GRID1: variants seen among roughly 807,000 people sequenced by gnomAD.
GRID1 encodes the protein glutamate ionotropic receptor delta type subunit 1, also known as glutamate receptor ionotropic, delta-1.
Under a neutral mutation model 98.0 loss-of-function variants are expected in GRID1, and 28 were observed. The observed-to-expected ratio is 0.29, with a 90% CI of 0.21 to 0.39. The LOEUF (loss-of-function observed/expected upper bound fraction) is 0.39, where lower values mean the gene tolerates loss of function less well. GRID1 is among the 10% of genes least tolerant of loss of function. The probability of loss-of-function intolerance (pLI) is 1.00; values close to 1 mark genes in which losing one functional copy is unlikely to be tolerated. For missense variants in GRID1, 1,111 were observed against 1,340.5 expected, an observed-to-expected ratio of 0.83 and a Z score of 2.67; for synonymous variants, 553 against 538.5, an observed-to-expected ratio of 1.03 and a Z score of -0.37.
chr10:85,748,353 G>A (rs576609520), intron 8 of GRID1, among the ~76,000 whole-genome samples: 11 of 152,290 alleles, frequency 7.2e-5, no homozygotes, highest in African/African-American at 2.6e-4. Flanking sequence ...GTCAATTCAT[G>A]TGACTATCCT....
intron 8 of GRID1, among the ~76,000 whole-genome samples, chr10:85,796,700 C>CAAA (rs61100651): frequency 1.4e-5 from 2 of 142,006 alleles, no homozygotes; most frequent in Non-Finnish European, 3.1e-5. Context: ...TGATCTAACT[C>CAAA]AAAAAAAAAA....
chr10:85,775,892 T>A (rs960279867), intron 8 of GRID1, among the ~76,000 whole-genome samples: 3 of 152,156 alleles, frequency 2.0e-5, no homozygotes, highest in African/African-American at 4.8e-5. Flanking sequence ...AGCAGGACTT[T>A]CACTATATAA....
rs186490336 is a variant in GRID1, at chr10:85,781,059, C to G, written c.1234-51445G>C. Reference sequence around the variant, plus strand: ...CCCACTCCTGGGAAGGAATGATTTTCTCTATTACATGAAGTTTCCTCCAAT... The same window carrying G: ...CCCACTCCTGGGAAGGAATGATTTTGTCTATTACATGAAGTTTCCTCCAAT... On this transcript the variant is annotated intron_variant, in intron 8 of 15. Transcript: ENST00000327946. 1.2e-3 allele frequency among the ~76,000 whole-genome samples: 181 copies of G among 152,280 alleles called. 1 individual carries two copies. The highest frequency in any genetic ancestry group is 4.2e-3 in the African/African-American group (175 of 41,564).
intron 4 of GRID1, among the ~76,000 whole-genome samples, chr10:86,011,356 C>T (rs1842921693): frequency 6.6e-6 from 1 of 151,942 alleles, no homozygotes; most frequent in African/African-American, 2.4e-5. Context: ...ATACCTAACA[C>T]CTGGAACAAT....
intron 4 of GRID1, among the ~76,000 whole-genome samples, chr10:85,944,447 C>T (rs953118232): frequency 2.0e-5 from 3 of 152,158 alleles, no homozygotes; most frequent in Non-Finnish European, 2.9e-5. Context: ...CTAGTCATTG[C>T]TGAGTGAAAA....
At chr10:86,299,484 TCGCC>T (rs1564732650) in intron 2 of GRID1, among the ~76,000 whole-genome samples, 1 of 146,666 alleles carries the variant, frequency 6.8e-6, no homozygotes, top group Admixed American at 6.8e-5. Flanking sequence ...CCCTCCCCCC[TCGCC>T]CCCCTCCCCA....
intron 2 of GRID1, among the ~76,000 whole-genome samples, chr10:86,279,708 C>T (rs1048909417): frequency 6.6e-6 from 1 of 152,192 alleles, no homozygotes; most frequent in African/African-American, 2.4e-5. Context: ...AGGATGTTCA[C>T]TGTCATCACT....
At chr10:85,897,193 T>A (rs538136086) in intron 5 of GRID1, among the ~76,000 whole-genome samples, 1 of 152,320 alleles carries the variant, frequency 6.6e-6, no homozygotes, top group East Asian at 1.9e-4. Context: ...AGAGCAATTT[T>A]TCTCTGCTTT....
chr10:86,224,297 G>A (rs918233703), intron 2 of GRID1, among the ~76,000 whole-genome samples: 2 of 152,218 alleles, frequency 1.3e-5, no homozygotes, highest in African/African-American at 2.4e-5. Context: ...TACCCAGGCA[G>A]AGCCTTACCA....
At chr10:86,249,398 C>T (rs1387325613) in intron 2 of GRID1, among the ~76,000 whole-genome samples, 3 of 152,180 alleles carry the variant, frequency 2.0e-5, no homozygotes, top group Non-Finnish European at 2.9e-5. Context: ...TCCTTGGACC[C>T]TCATATCCCA....
chr10:86,249,278 CAG>C (rs1846782481), intron 2 of GRID1, among the ~76,000 whole-genome samples: 2 of 152,192 alleles, frequency 1.3e-5, no homozygotes. Context: ...CCTGGGAGAT[CAG>C]AGAGGGCTTG....
chr10:86,068,126 G>A (rs1239209940), intron 4 of GRID1, among the ~76,000 whole-genome samples: 2 of 152,178 alleles, frequency 1.3e-5, no homozygotes, highest in Non-Finnish European at 2.9e-5. Flanking sequence ...ATGGGAAAAC[G>A]TCGCCATTTA....
chr10:85,712,340 T>C (rs920042198), intron 12 of GRID1, among the ~76,000 whole-genome samples: 2 of 151,790 alleles, frequency 1.3e-5, no homozygotes, highest in African/African-American at 4.8e-5. Flanking sequence ...GGTGATAGAA[T>C]AGGTTGACTA....
intron 14 of GRID1, among the ~76,000 whole-genome samples, chr10:85,618,958 A>G (rs1305888828): frequency 6.6e-6 from 1 of 152,204 alleles, no homozygotes; most frequent in Non-Finnish European, 1.5e-5. Flanking sequence ...TTCATGCATT[A>G]ATCAGTCAAT....
chr10:86,344,074 G>A (rs139717635), intron 2 of GRID1, among the ~76,000 whole-genome samples: 1 of 152,376 alleles, frequency 6.6e-6, no homozygotes, highest in Non-Finnish European at 1.5e-5. Context: ...ACCAGTGCCT[G>A]GGCCCTTGCC....
intron 2 of GRID1, among the ~76,000 whole-genome samples, chr10:86,306,139 T>G (rs1414663659): frequency 6.6e-6 from 1 of 152,194 alleles, no homozygotes; most frequent in African/African-American, 2.4e-5. Context: ...TCAAAACCCT[T>G]TAGTCAAGGC....
intron 4 of GRID1, among the ~76,000 whole-genome samples, chr10:85,988,295 AC>A (rs766196309): frequency 3.9e-5 from 6 of 152,138 alleles, no homozygotes; most frequent in Non-Finnish European, 5.9e-5. Context: ...GCTTCATTGT[AC>A]TTTGTGTCCC....
rs547235506 is a variant in GRID1, at chr10:85,638,411, C to T, written c.2193+8791G>A. ...ATTGCCCAATCTTGTAAAAGAAGAA[C>T]GAAGTTGAAGGACTTACAATACCTG... On this transcript the variant is annotated intron_variant, in intron 13 of 15. Coordinates refer to ENST00000327946, the MANE Select transcript of GRID1 (RefSeq NM_017551.3). 5.9e-5 allele frequency among the ~76,000 whole-genome samples: 9 copies of T among 152,170 alleles called. 1 individual carries two copies. The highest frequency in any genetic ancestry group is 7.2e-5 in the African/African-American group (3 of 41,518).
At chr10:85,677,467 A>C (rs1184120567) in intron 12 of GRID1, among the ~76,000 whole-genome samples, 1 of 152,220 alleles carries the variant, frequency 6.6e-6, no homozygotes, top group African/African-American at 2.4e-5. Flanking sequence ...CAGTAACTTC[A>C]ATGGAGCACC....
Sources: gnomAD v4.1 joint callset for allele counts (sites outside exome capture counted in the v4.1 genomes callset) on GRCh38, gnomAD v4.1.1 for gene constraint, MANE v1.5 for transcripts, NCBI Gene and HGNC (gene_info 2026-07-23, HGNC 2026-07-21) for gene names.